Variants in SLC15A2 observed in about 807,000 individuals in gnomAD.
The protein encoded by SLC15A2 is kidney H(+)/peptide cotransporter.
Under a neutral mutation model 95.5 loss-of-function variants are expected in SLC15A2, and 77 were observed. The ratio of observed to expected loss-of-function variants is 0.81; its 90% CI spans 0.67 to 0.97. The LOEUF is 0.97. SLC15A2 is among the 50% of genes least tolerant of loss of function. The pLI is 0.00. For missense variants in SLC15A2, 893 were observed against 874.4 expected, an observed-to-expected ratio of 1.02 and a Z score of -0.27; for synonymous variants, 306 against 306.9, an observed-to-expected ratio of 1.00 and a Z score of 0.03.
intron 19 of SLC15A2, among the ~76,000 whole-genome samples, chr3:121,937,753 C>T (rs1259958300): frequency 1.3e-5 from 2 of 152,220 alleles, no homozygotes; most frequent in Non-Finnish European, 2.9e-5. Flanking sequence ...CTGAAGCCTT[C>T]TTCTCTCAGC....
intron 11 of SLC15A2, among the ~76,000 whole-genome samples, chr3:121,923,890 T>C (rs1210225708): frequency 6.6e-6 from 1 of 152,174 alleles, no homozygotes; most frequent in African/African-American, 2.4e-5. Context: ...CTGCAAAATA[T>C]AATTTTACCT....
At chr3:121,933,804 T>C (rs1559853903) in intron 19 of SLC15A2, among the ~76,000 whole-genome samples, 2 of 148,980 alleles carry the variant, frequency 1.3e-5, no homozygotes, top group Non-Finnish European at 1.5e-5. Flanking sequence ...TTGTTGCCAT[T>C]GCTTTTGGTG....
chr3:121,930,077 G>A (rs1710201072), intron 17 of SLC15A2, among the ~76,000 whole-genome samples: 1 of 152,230 alleles, frequency 6.6e-6, no homozygotes, highest in South Asian at 2.1e-4. Context: ...AAGACAATGT[G>A]AGGTCAGAGA....
chr3:121,928,568 C>A lies in SLC15A2; in HGVS notation c.1341+13C>A. ...CAAATCCTTTCAGGTGAGGTGTGTA[C>A]CTGAATGAATTAGAAACTCTGTATG... On this transcript the variant is annotated intron_variant, in intron 15 of 21. Coordinates refer to ENST00000489711, the MANE Select transcript of SLC15A2 (RefSeq NM_021082.4). The A allele has an allele frequency of 6.2e-7, 1 of 1,611,484 alleles. No homozygotes were observed. Among genetic ancestry groups the A allele is most frequent in the South Asian group, 1.1e-5 (1 of 90,592 alleles).
intron 3 of SLC15A2, among the ~76,000 whole-genome samples, chr3:121,907,849 G>A (rs1709685831): frequency 1.3e-5 from 2 of 152,264 alleles, no homozygotes; most frequent in African/African-American, 4.8e-5. Flanking sequence ...CACTTGAGGA[G>A]GCAGTCTGTC....
chr3:121,938,895 C>A (rs1350550649), intron 19 of SLC15A2, among the ~76,000 whole-genome samples: 1 of 152,220 alleles, frequency 6.6e-6, no homozygotes, highest in Admixed American at 6.5e-5. Flanking sequence ...TCAATTTCCA[C>A]TACTTCTTTT....
In SLC15A2 at chr3:121,940,954, C is replaced by G; in HGVS notation, c.2137C>G (p.Pro713Ala). 1.9e-6 allele frequency: 3 copies of G among 1,614,148 alleles called. No individual in the cohort carries two copies. Among genetic ancestry groups the G allele is most frequent in the Non-Finnish European group, 2.5e-6 (3 of 1,180,014 alleles). Residue 713 changes from proline (P) to alanine (A), a missense_variant, in exon 22 of 22, where the codon CCT becomes GCT. By Grantham distance (27) the Pro-to-Ala change is conservative (BLOSUM62 -1). Coordinates refer to ENST00000489711, the MANE Select transcript of SLC15A2 (RefSeq NM_021082.4). Reference sequence around the variant, plus strand: ...GCGGGGTCCAGCAGATAAGCACATTCCTCACATCCAGGGGAACATGATCAA... The same window carrying G: ...GCGGGGTCCAGCAGATAAGCACATTGCTCACATCCAGGGGAACATGATCAA... ...DMRGPADKHI[P>A]HIQGNMIKLE...
At chr3:121,904,453 T>C (rs1353291270) in intron 3 of SLC15A2, among the ~76,000 whole-genome samples, 2 of 152,208 alleles carry the variant, frequency 1.3e-5, no homozygotes, top group Non-Finnish European at 2.9e-5. Flanking sequence ...ATGCTTCCAG[T>C]TCTTGCCCAT....
intron 3 of SLC15A2, among the ~76,000 whole-genome samples, chr3:121,904,678 G>T (rs1313377923): frequency 2.0e-5 from 3 of 152,178 alleles, no homozygotes; most frequent in Non-Finnish European, 4.4e-5. Flanking sequence ...TGTTGAACCA[G>T]CCTTGCATCC....
At chr3:121,928,096 T>C (rs1323900631) in intron 14 of SLC15A2, among the ~76,000 whole-genome samples, 4 of 152,202 alleles carry the variant, frequency 2.6e-5, no homozygotes. Context: ...AGCCCTCTCC[T>C]TAGGGAACAC....
intron 20 of SLC15A2, 73 bp downstream of exon 20, chr3:121,939,568 A>G (rs1710419513): frequency 2.3e-6 from 3 of 1,300,664 alleles, no homozygotes; most frequent in Middle Eastern, 2.0e-4. Context: ...TCTAGCACTG[A>G]CTTAAATAGG....
chr3:121,919,533 C>T (rs1709965504), intron 7 of SLC15A2, among the ~76,000 whole-genome samples: 1 of 152,074 alleles, frequency 6.6e-6, no homozygotes, highest in South Asian at 2.1e-4. Context: ...AAAAGTACCA[C>T]TAGATTGGTT....
intron 3 of SLC15A2, among the ~76,000 whole-genome samples, chr3:121,909,034 T>G (rs1709710523): frequency 6.6e-6 from 1 of 151,932 alleles, no homozygotes; most frequent in Non-Finnish European, 1.5e-5. Context: ...CACTGTTCAT[T>G]TATTTATTTT....
chr3:121,902,685 G>T (rs1709543540), intron 3 of SLC15A2, among the ~76,000 whole-genome samples: 1 of 152,170 alleles, frequency 6.6e-6, no homozygotes, highest in Non-Finnish European at 1.5e-5. Context: ...CAAAGGACAT[G>T]AACTCATCCT....
chr3:121,905,975 G>T (rs1436638302), intron 3 of SLC15A2, among the ~76,000 whole-genome samples: 1 of 152,076 alleles, frequency 6.6e-6, no homozygotes, highest in African/African-American at 2.4e-5. Flanking sequence ...ATTATTGTGT[G>T]GGAGTCTAAG....
chr3:121,911,603 T>G lies in SLC15A2; in HGVS notation c.365T>G (p.Val122Gly), dbSNP rs746999057. ...KTIIYLSLVY[V>G]LGHVIKSLGA... is the part of the protein sequence containing the mutation. ...ATCATCTATCTCTCCTTGGTGTATG[T>G]GCTTGGCCATGTGATCAAGTCCTTG... Residue 122 changes from valine (V) to glycine (G), a missense_variant, in exon 4 of 22, where the codon GTG becomes GGG. By Grantham distance (109) the Val-to-Gly change is moderately radical. Coordinates refer to ENST00000489711, the MANE Select transcript of SLC15A2 (RefSeq NM_021082.4). 1 of 1,614,076 alleles carries G rather than the reference T, an allele frequency of 6.2e-7. No individual in the cohort carries two copies. Among genetic ancestry groups the G allele is most frequent in the South Asian group, 1.1e-5 (1 of 91,082 alleles).
Position 121,940,474 on chromosome 3 carries a change from A to C in SLC15A2, c.1999A>C (p.Ser667Arg). ...CATCGTGCTTGTTGTGGCACAGTTC[A>C]GTGGCCTGGTACAGGTATGGATCTG... Reference protein sequence around the residue: ...NIIVLVVAQFSGLVQWAEFIL... With the variant: ...NIIVLVVAQFRGLVQWAEFIL... Residue 667 changes from serine (S) to arginine (R), a missense_variant, in exon 21 of 22, where the codon AGT becomes CGT. Coordinates refer to ENST00000489711, the MANE Select transcript of SLC15A2 (RefSeq NM_021082.4). 6.2e-7 allele frequency: 1 copy of C among 1,613,704 alleles called. No individual in the cohort carries two copies.
intron 19 of SLC15A2, among the ~76,000 whole-genome samples, chr3:121,935,294 G>A (rs1477292531): frequency 2.0e-5 from 3 of 152,130 alleles, no homozygotes; most frequent in Non-Finnish European, 4.4e-5. Context: ...GAGTTAGGGA[G>A]GATTCCCTCT....
chr3:121,927,962 C>A, intron 14 of SLC15A2, 123 bp downstream of exon 14: 1 of 703,864 alleles, frequency 1.4e-6, no homozygotes, highest in Non-Finnish European at 2.4e-6. Flanking sequence ...AGAGGTGCAT[C>A]ATAAGTATTT....
Sources: gnomAD v4.1 joint callset for allele counts (sites outside exome capture counted in the v4.1 genomes callset) on GRCh38, gnomAD v4.1.1 for gene constraint, MANE v1.5 for transcripts, NCBI Gene and HGNC (gene_info 2026-07-23, HGNC 2026-07-21) for gene names.